SRGAP2: variants seen among roughly 807,000 people sequenced by gnomAD.
SRGAP2 encodes the protein SLIT-ROBO Rho GTPase-activating protein 2.
Under a neutral mutation model 57.2 loss-of-function variants are expected in SRGAP2, and 15 were observed. The observed-to-expected ratio is 0.26, with a 90% CI of 0.18 to 0.40. SRGAP2 has a LOEUF of 0.40. Among genes scored for constraint, SRGAP2 ranks in the 10% least tolerant of loss-of-function variants. The pLI, the probability that SRGAP2 is intolerant of heterozygous loss-of-function variation, is 1.00. For missense variants in SRGAP2, 520 were observed against 669.6 expected (o/e 0.78, Z 2.47); for synonymous variants, 249 against 248.0 (o/e 1.00, Z -0.04).
intron 4 of SRGAP2, among the ~76,000 whole-genome samples, chr1:206,349,738 TAGAG>T (rs1179728678): frequency 8.2e-6 from 1 of 122,694 alleles, no homozygotes; most frequent in African/African-American, 3.1e-5. Flanking sequence ...AACAGAGTCA[TAGAG>T]AGAGGATGCT....
intron 3 of SRGAP2, among the ~76,000 whole-genome samples, chr1:206,311,570 G>C (rs545276885): frequency 3.9e-5 from 6 of 152,360 alleles, no homozygotes; most frequent in Admixed American, 3.3e-4. Flanking sequence ...GAGAACAAAG[G>C]CTGATGGATA....
chr1:206,423,362 C>A (rs1342112232), intron 13 of SRGAP2, among the ~76,000 whole-genome samples: 1 of 152,186 alleles, frequency 6.6e-6, no homozygotes, highest in East Asian at 1.9e-4. Context: ...TCTTTCTCTT[C>A]TTCCCTAAGC....
intron 2 of SRGAP2, among the ~76,000 whole-genome samples, chr1:206,241,690 G>A (rs1173604847): frequency 6.7e-6 from 1 of 149,744 alleles, no homozygotes; most frequent in African/African-American, 2.5e-5. Context: ...TTTCATATTA[G>A]GGAGAGCTCT....
chr1:206,435,890 A>G (rs1421044387), intron 14 of SRGAP2, among the ~76,000 whole-genome samples: 1 of 152,200 alleles, frequency 6.6e-6, no homozygotes, highest in East Asian at 1.9e-4. Flanking sequence ...CAAAACCAAG[A>G]AATTCTTGTG....
chr1:206,457,818 C>A lies in SRGAP2; in HGVS notation c.2508-805C>A, dbSNP rs199639992. 5.5e-3 allele frequency among the ~76,000 whole-genome samples: 840 copies of A among 152,328 alleles called. 8 individuals carry two copies. Among genetic ancestry groups the A allele is most frequent in the Non-Finnish European group, 7.4e-3 (505 of 68,032 alleles). The stretch of plus-strand genomic sequence containing the variant: ...ATCTCTCTTAGATTCAAGATCAGAG[C>A]TGTTCAGCAGCCATCCAAATCAGAA... On this transcript the variant is annotated intron_variant, in intron 21 of 22. Coordinates refer to ENST00000573034, the MANE Select transcript of SRGAP2 (RefSeq NM_015326.5).
intron 3 of SRGAP2, among the ~76,000 whole-genome samples, chr1:206,341,997 C>CA (rs1179718649): frequency 2.1e-4 from 31 of 145,642 alleles, no homozygotes; most frequent in Middle Eastern, 6.8e-3. Context: ...GACTTTGTCT[C>CA]AAAAAAAAAA....
At chr1:206,453,090 A>T (rs181532133) in intron 19 of SRGAP2, 110 bp from the exon 20 acceptor site, 1 of 449,082 alleles carries the variant, frequency 2.2e-6, no homozygotes, top group East Asian at 3.5e-5. Context: ...TCGTTTTCCC[A>T]CTAAGTAATT....
rs562293021 is a variant in SRGAP2 at position 206,239,540 on chromosome 1, C to G, written c.67+33503C>G. 1.1e-4 allele frequency among the ~76,000 whole-genome samples: 16 copies of G among 152,192 alleles called. No individual in the cohort carries two copies. The East Asian group carries it at 3.1e-3, about 30-fold the overall frequency. On this transcript the variant is annotated intron_variant, in intron 2 of 22. Coordinates refer to ENST00000573034, the MANE Select transcript of SRGAP2 (RefSeq NM_015326.5). Reference sequence around the variant, plus strand: ...TGGCATGATCTTGGCTCACTGCAACCTCCGCCTCCTGGGTTCAAGCAGTTC... The same window carrying G: ...TGGCATGATCTTGGCTCACTGCAACGTCCGCCTCCTGGGTTCAAGCAGTTC...
At chr1:206,437,064 T>C (rs1661824365) in intron 15 of SRGAP2, 22 bp downstream of exon 15, 1 of 780,360 alleles carries the variant, frequency 1.3e-6, no homozygotes, top group Non-Finnish European at 2.4e-6. Context: ...GTCTTGAAGA[T>C]AAAACCAAAT....
chr1:206,340,800 C>T (rs538573957), intron 3 of SRGAP2, among the ~76,000 whole-genome samples: 15 of 149,142 alleles, frequency 1.0e-4, no homozygotes, highest in Middle Eastern at 3.4e-3. Context: ...TTCCAGTTCA[C>T]TTTTTTTTCC....
rs554138785 is a variant in SRGAP2 at position 206,377,007 on chromosome 1, G to A, written c.424-7007G>A. Among the ~76,000 whole-genome samples, 900 of 152,186 alleles carry A rather than the reference G, an allele frequency of 5.9e-3. 12 individuals are homozygous for A. The highest frequency in any genetic ancestry group is 0.021 in the African/African-American group (865 of 41,444). On this transcript the variant is annotated intron_variant, in intron 4 of 22. Transcript: ENST00000573034. ...TTATTTTATGGCCACTGTGCACAAA[G>A]CAATGGGCTGGGTACCACAGAGGAT...
At chr1:206,386,482 A>C (rs1316396690) in intron 5 of SRGAP2, among the ~76,000 whole-genome samples, 2 of 138,958 alleles carry the variant, frequency 1.4e-5, no homozygotes, top group African/African-American at 5.5e-5. Context: ...GCTAAGGATC[A>C]AATAGGTTTC....
intron 3 of SRGAP2, among the ~76,000 whole-genome samples, chr1:206,333,873 G>C (rs1674571046): frequency 6.6e-6 from 1 of 152,152 alleles, no homozygotes; most frequent in African/African-American, 2.4e-5. Flanking sequence ...GATTCCTTAA[G>C]GACCTGAACT....
At chr1:206,441,075 T>G (rs898834921) in intron 17 of SRGAP2, among the ~76,000 whole-genome samples, 3 of 152,112 alleles carry the variant, frequency 2.0e-5, no homozygotes, top group Admixed American at 6.5e-5. Context: ...ATACATAGAA[T>G]ATGGAGAGAG....
Position 206,437,093 on chromosome 1 carries a change from G to A in SRGAP2, c.1633+51G>A, listed in dbSNP as rs1321505332. 6.4e-6 allele frequency: 5 copies of A among 778,766 alleles called. No individual in the cohort carries two copies. The African/African-American group carries it at 6.8e-5, about 11-fold the overall frequency. The allele number at this position is 778,766 out of a possible 1,614,324, so 48.2% of individuals were successfully genotyped here. A position where few individuals can be genotyped will look rare whatever the true frequency, so the allele number is the denominator to read the frequency against. On this transcript the variant is annotated intron_variant, in intron 15 of 22. Transcript: ENST00000573034. The stretch of plus-strand genomic sequence containing the variant: ...ACCAAATATTTGCCAGCCCCCTGGG[G>A]TATTGGCTCCACCCTTTCTTCTCTA...
intron 13 of SRGAP2, among the ~76,000 whole-genome samples, chr1:206,422,243 C>G (rs565744877): frequency 1.5e-4 from 23 of 152,356 alleles, no homozygotes; most frequent in Non-Finnish European, 2.9e-5. Context: ...TCTGACTGCT[C>G]TGACAGGGTG....
chr1:206,358,024 CT>C (rs1254520849), intron 4 of SRGAP2, among the ~76,000 whole-genome samples: 2 of 148,196 alleles, frequency 1.3e-5, no homozygotes, highest in Non-Finnish European at 3.0e-5. Context: ...AAATACCCTA[CT>C]TCCATTTAAT....
At chr1:206,256,794 G>A (rs1339440063) in intron 2 of SRGAP2, among the ~76,000 whole-genome samples, 1 of 152,182 alleles carries the variant, frequency 6.6e-6, no homozygotes, top group Non-Finnish European at 1.5e-5. Flanking sequence ...CCTCACCCAA[G>A]TTGCTTCCAA....
intron 2 of SRGAP2, among the ~76,000 whole-genome samples, chr1:206,277,658 AGTT>A (rs1670489543): frequency 6.7e-6 from 1 of 149,184 alleles, no homozygotes; most frequent in Non-Finnish European, 1.5e-5. Flanking sequence ...TTTGCATTTC[AGTT>A]GTTTATCTAT....
Sources: gnomAD v4.1 joint callset for allele counts (sites outside exome capture counted in the v4.1 genomes callset) on GRCh38, gnomAD v4.1.1 for gene constraint, MANE v1.5 for transcripts, NCBI Gene and HGNC (gene_info 2026-07-23, HGNC 2026-07-21) for gene names.